ZNF608: variants seen among roughly 807,000 people sequenced by gnomAD.
The protein encoded by ZNF608 is zinc finger protein 608.
In ZNF608, 12 loss-of-function variants were observed where a neutral mutation model predicts 109.0. That is an observed-to-expected ratio of 0.11 (90% CI 0.07 to 0.18). The LOEUF (loss-of-function observed/expected upper bound fraction) is 0.18, where lower values mean the gene tolerates loss of function less well. Among genes scored for constraint, ZNF608 ranks in the 10% least tolerant of loss-of-function variants. The pLI is 1.00. For synonymous variants in ZNF608, 732 were observed against 717.4 expected (o/e 1.02, Z -0.33); for missense variants, 1,707 against 1,879.3 (o/e 0.91, Z 1.70).
intron 2 of ZNF608, among the ~76,000 whole-genome samples, chr5:124,714,818 C>G (rs1204104938): frequency 6.6e-6 from 1 of 152,210 alleles, no homozygotes; most frequent in African/African-American, 2.4e-5. Flanking sequence ...CTGCTGTAGT[C>G]TCTGAAAACC....
chr5:124,641,851 A>G (rs1053752955), intron 7 of ZNF608, among the ~76,000 whole-genome samples: 2 of 152,186 alleles, frequency 1.3e-5, no homozygotes, highest in African/African-American at 4.8e-5. Context: ...GTTCTACTGA[A>G]AAAACATGCT....
At chr5:124,737,478 G>A (rs1027010330) in intron 2 of ZNF608, among the ~76,000 whole-genome samples, 3 of 152,154 alleles carry the variant, frequency 2.0e-5, no homozygotes, top group East Asian at 1.9e-4. Context: ...TGTTCTAACC[G>A]AAACACCTTT....
chr5:124,639,054 T>TA lies in ZNF608; in HGVS notation c.4532+78dup, dbSNP rs1750113666. On this transcript the variant is annotated intron_variant, in intron 9 of 9. Coordinates refer to ENST00000513986, the MANE Select transcript of ZNF608 (RefSeq NM_020747.3). The stretch of plus-strand genomic sequence containing the variant: ...AACCCAAGGAGTTAAGTTTTTGGTC[T>TA]AAAAATCCTGTACTTGCTTCCTCCC... The TA allele has an allele frequency of 2.1e-6, 3 of 1,426,592 alleles. No homozygotes were observed. The South Asian group carries it at 3.7e-5, about 17-fold the overall frequency. The allele number at this position is 1,426,592 out of a possible 1,614,324, so 88.4% of individuals were successfully genotyped here.
In ZNF608 at chr5:124,647,342, G is replaced by T. The variant is rs772188100; in HGVS notation, c.3042C>A (p.Val1014=). 1.9e-6 allele frequency: 3 copies of T among 1,614,018 alleles called. No individual in the cohort carries two copies. The highest frequency in any genetic ancestry group is 1.3e-5 in the African/African-American group (1 of 74,910). Residue 1014 remains valine, a synonymous_variant, in exon 5 of 10, where the codon GTC becomes GTA. Transcript: ENST00000513986. ...CACTATTTCCAGCTGCAGGGGCACCGACCTGCCCAGGGTGCATGTAACTTG... is the reference window on the plus strand; with the variant it reads ...CACTATTTCCAGCTGCAGGGGCACCTACCTGCCCAGGGTGCATGTAACTTG... ...YSPSYMHPGQ[V]GAPAAGNSGS...
intron 3 of ZNF608, among the ~76,000 whole-genome samples, chr5:124,657,871 G>T (rs1751082539): frequency 6.6e-6 from 1 of 152,074 alleles, no homozygotes; most frequent in African/African-American, 2.4e-5. Context: ...ATCACATGGA[G>T]ATCTTTAGAA....
chr5:124,703,629 G>C lies in ZNF608; in HGVS notation c.907-2360C>G, dbSNP rs565720280. On this transcript the variant is annotated intron_variant, in intron 2 of 9. Coordinates refer to ENST00000513986, the MANE Select transcript of ZNF608 (RefSeq NM_020747.3). ...AAAAAAGTATTTAAAAATTAGCCAG[G>C]CATGGTGGCATGCGAGTAGTCCCAG... 5.3e-5 allele frequency among the ~76,000 whole-genome samples: 8 copies of C among 152,206 alleles called. No individual in the cohort carries two copies. The South Asian group carries it at 1.2e-3, about 24-fold the overall frequency.
At chr5:124,702,471 G>A (rs75118621) in intron 2 of ZNF608, among the ~76,000 whole-genome samples, 116 of 147,462 alleles carry the variant, frequency 7.9e-4, no homozygotes, top group African/African-American at 2.6e-3. Context: ...GGCTGCAGGC[G>A]TAATAGTATA....
chr5:124,650,674 T>C (rs2149792597), intron 3 of ZNF608, among the ~76,000 whole-genome samples: 1 of 152,368 alleles, frequency 6.6e-6, no homozygotes, highest in East Asian at 1.9e-4. Flanking sequence ...AAGCATATTT[T>C]AATAGAACCT....
intron 2 of ZNF608, among the ~76,000 whole-genome samples, chr5:124,720,181 T>C (rs1240208460): frequency 2.0e-5 from 3 of 152,228 alleles, no homozygotes; most frequent in African/African-American, 7.2e-5. Context: ...AGAAATAGCC[T>C]TCTCAGTAAG....
rs1442386778 is a variant in ZNF608 at position 124,647,132 on chromosome 5, T to G, written c.3252A>C (p.Ala1084=). The G allele has an allele frequency of 6.2e-7, 1 of 1,614,092 alleles. No homozygotes were observed. The highest frequency in any genetic ancestry group is 1.3e-5 in the African/African-American group (1 of 74,920). The change falls in exon 5 of 10, where the codon GCA becomes GCC. Residue 1084 remains alanine (A), a synonymous_variant. Transcript: ENST00000513986. ...LAQSLYYGQY[A]YGLYMDQKSL... ...ACTTCTGGTCCATATAGAGCCCATATGCATACTGGCCATAATAAAGTGACT... is the reference window on the plus strand; with the variant it reads ...ACTTCTGGTCCATATAGAGCCCATAGGCATACTGGCCATAATAAAGTGACT...
chr5:124,667,279 C>G (rs531281042), intron 3 of ZNF608, among the ~76,000 whole-genome samples: 12 of 152,104 alleles, frequency 7.9e-5, no homozygotes, highest in Non-Finnish European at 1.6e-4. Context: ...ATATCTTTTA[C>G]AAAGCATTTA....
intron 3 of ZNF608, among the ~76,000 whole-genome samples, chr5:124,695,209 C>G (rs935752401): frequency 1.3e-5 from 2 of 152,156 alleles, no homozygotes; most frequent in Non-Finnish European, 2.9e-5. Flanking sequence ...TCTTATTCCT[C>G]TTGAGAGTCA....
At chr5:124,701,528 A>G (rs1479235700) in intron 2 of ZNF608, among the ~76,000 whole-genome samples, 1 of 152,208 alleles carries the variant, frequency 6.6e-6, no homozygotes. Flanking sequence ...CTCCTTCTAA[A>G]TTCATCATTG....
At chr5:124,697,430 A>T (rs1752896123) in intron 3 of ZNF608, among the ~76,000 whole-genome samples, 1 of 152,124 alleles carries the variant, frequency 6.6e-6, no homozygotes, top group Non-Finnish European at 1.5e-5. Flanking sequence ...GTGTGTCCCA[A>T]ATGGCAGGAA....
In ZNF608 at chr5:124,708,336, G is replaced by C. The variant is rs978583229; in HGVS notation, c.907-7067C>G. On this transcript the variant is annotated intron_variant, in intron 2 of 9. Transcript: ENST00000513986. ...GAAAAGGAAACGTGGGAAAAGTTAA[G>C]TAACTTAAAAGGTCACTCAGGGTCG... Among the ~76,000 whole-genome samples the C allele has an allele frequency of 4.6e-5, 7 of 152,224 alleles. No individual in the cohort carries two copies. In the East Asian group the frequency reaches 1.3e-3, roughly 29 times the overall value.
At chr5:124,681,643 A>C (rs1752201534) in intron 3 of ZNF608, among the ~76,000 whole-genome samples, 1 of 152,196 alleles carries the variant, frequency 6.6e-6, no homozygotes, top group African/African-American at 2.4e-5. Context: ...CACCTATTTG[A>C]AAGCCTGAGG....
intron 3 of ZNF608, among the ~76,000 whole-genome samples, chr5:124,686,352 T>C (rs189222137): frequency 6.6e-6 from 1 of 152,298 alleles, no homozygotes; most frequent in Non-Finnish European, 1.5e-5. Context: ...GCCATGAAGA[T>C]TGTCCTGGTT....
At chr5:124,708,725 C>T (rs1227781495) in intron 2 of ZNF608, 1 of 456,234 alleles carries the variant, frequency 2.2e-6, no homozygotes, top group Non-Finnish European at 4.4e-6. Context: ...GTATGAAGAC[C>T]AACCCTGCCC....
At chr5:124,684,408 G>A (rs537027041) in intron 3 of ZNF608, among the ~76,000 whole-genome samples, 76 of 152,262 alleles carry the variant, frequency 5.0e-4, no homozygotes, top group Middle Eastern at 3.4e-3. Flanking sequence ...GAAAAGGGAG[G>A]TTGCAGCCCT....
Sources: gnomAD v4.1 joint callset for allele counts (sites outside exome capture counted in the v4.1 genomes callset) on GRCh38, gnomAD v4.1.1 for gene constraint, MANE v1.5 for transcripts, NCBI Gene and HGNC (gene_info 2026-07-23, HGNC 2026-07-21) for gene names.